MTMR12: variants seen among roughly 807,000 people sequenced by gnomAD.
MTMR12 encodes the protein myotubularin-related protein 12.
MTMR12 carries 33 observed loss-of-function variants against 96.7 expected under a neutral mutation model. The ratio of observed to expected loss-of-function variants is 0.34; its 90% CI spans 0.26 to 0.46. The LOEUF is 0.46. Among genes scored for constraint, MTMR12 ranks in the 20% least tolerant of loss-of-function variants. MTMR12 has a pLI of 1.00. For missense variants in MTMR12, 721 were observed against 896.1 expected (o/e 0.80, Z 2.49); for synonymous variants, 298 against 327.2 (o/e 0.91, Z 0.96).
intron 6 of MTMR12, 79 bp from the exon 7 acceptor site, chr5:32,263,321 A>T: frequency 6.4e-7 from 1 of 1,568,106 alleles, no homozygotes; most frequent in East Asian, 2.3e-5. Context: ...GTCCCTCCTT[A>T]GGTTTTGGTT....
At chr5:32,299,599 C>A (rs1469240252) in intron 1 of MTMR12, among the ~76,000 whole-genome samples, 1 of 152,152 alleles carries the variant, frequency 6.6e-6, no homozygotes, top group Non-Finnish European at 1.5e-5. Context: ...AGGCTTGGAG[C>A]AGGAAGAAGG....
intron 1 of MTMR12, among the ~76,000 whole-genome samples, chr5:32,283,751 C>G (rs554625888): frequency 6.6e-6 from 1 of 152,276 alleles, no homozygotes; most frequent in East Asian, 1.9e-4. Flanking sequence ...CCAAGGGAAG[C>G]TAAAGGGAAA....
chr5:32,255,216 A>G (rs1749089911), intron 8 of MTMR12, among the ~76,000 whole-genome samples: 1 of 152,204 alleles, frequency 6.6e-6, no homozygotes, highest in South Asian at 2.1e-4. Context: ...AGTAACTGCC[A>G]GAGTCTTGCT....
intron 1 of MTMR12, among the ~76,000 whole-genome samples, chr5:32,282,995 G>A (rs1360473340): frequency 1.3e-5 from 2 of 152,180 alleles, no homozygotes; most frequent in Non-Finnish European, 1.5e-5. Context: ...GAGCAGAGGT[G>A]GATACCAACA....
chr5:32,274,945 G>C (rs1205936151), intron 2 of MTMR12, among the ~76,000 whole-genome samples: 1 of 152,012 alleles, frequency 6.6e-6, no homozygotes, highest in African/African-American at 2.4e-5. Context: ...GCAGGCAAAA[G>C]AGAAGACTAT....
chr5:32,274,028 G>T lies in MTMR12; in HGVS notation c.237C>A (p.Asp79Glu). 1 of 1,614,190 alleles carries T rather than the reference G, an allele frequency of 6.2e-7. No individual in the cohort carries two copies. The highest frequency in any genetic ancestry group is 1.1e-5 in the South Asian group (1 of 91,078). Residue 79 changes from aspartate (D) to glutamate (E), a missense_variant, in exon 3 of 16, where the codon GAC becomes GAA. Asp to Glu is a conservative substitution (Grantham distance 45). Coordinates refer to ENST00000382142, the MANE Select transcript of MTMR12 (RefSeq NM_001040446.3). ...CATCACCCAAGAAGGCAATCTTGAA[G>T]TCTGTGCAGACAAGCCTCCCATAGA... ...HGVYGRLVCT[D>E]FKIAFLGDDE...
rs1164053326 is a variant in MTMR12 at position 32,271,907 on chromosome 5, T to C, written c.286-2A>G. 6.5e-7 allele frequency: 1 copy of C among 1,530,552 alleles called. No homozygotes were observed. The highest frequency in any genetic ancestry group is 8.9e-7 in the Non-Finnish European group (1 of 1,119,246). The allele number at this position is 1,530,552 out of a possible 1,614,324, so 94.8% of individuals were successfully genotyped here. A position where few individuals can be genotyped will look rare whatever the true frequency, so the allele number is the denominator to read the frequency against. ...AACCTTATTCTTAAATTGAGTTTCC[T>C]AGAAGATTCAAAAGGAAACAACTGT... On this transcript the variant is annotated splice_acceptor_variant, in intron 3 of 15. Transcript: ENST00000382142. LOFTEE classifies it high-confidence loss of function.
intron 5 of MTMR12, among the ~76,000 whole-genome samples, chr5:32,270,182 G>A (rs916596198): frequency 3.9e-5 from 6 of 151,906 alleles, no homozygotes; most frequent in African/African-American, 1.5e-4. Flanking sequence ...TTCAGCCGGG[G>A]TGACAGAGTG....
chr5:32,291,760 G>A (rs1157389757), intron 1 of MTMR12, among the ~76,000 whole-genome samples: 1 of 152,158 alleles, frequency 6.6e-6, no homozygotes, highest in African/African-American at 2.4e-5. Flanking sequence ...GGCCACTGTT[G>A]AGTGCCCAGT....
At chr5:32,308,329 AAAAG>A (rs1751435980) in intron 1 of MTMR12, among the ~76,000 whole-genome samples, 1 of 152,094 alleles carries the variant, frequency 6.6e-6, no homozygotes, top group African/African-American at 2.4e-5. Flanking sequence ...CTCAAAAAAA[AAAAG>A]AAAGAAGCAA....
Position 32,274,013 on chromosome 5 carries a change from G to A in MTMR12, c.252C>T (p.Phe84=), listed in dbSNP as rs1749948379. 6 of 1,614,190 alleles carry A rather than the reference G, an allele frequency of 3.7e-6. No individual in the cohort carries two copies. Among genetic ancestry groups the A allele is most frequent in the Non-Finnish European group, 4.2e-6 (5 of 1,180,032 alleles). Residue 84 remains phenylalanine, a synonymous_variant, in exon 3 of 16, where the codon TTC becomes TTT. Coordinates refer to ENST00000382142, the MANE Select transcript of MTMR12 (RefSeq NM_001040446.3). ...CCAATGCAGATTCATCATCACCCAA[G>A]AAGGCAATCTTGAAGTCTGTGCAGA... ...RLVCTDFKIA[F]LGDDESALDN...
chr5:32,286,576 T>C (rs1179469004), intron 1 of MTMR12, among the ~76,000 whole-genome samples: 4 of 151,870 alleles, frequency 2.6e-5, no homozygotes, highest in Non-Finnish European at 5.9e-5. Flanking sequence ...AAAAAATAAC[T>C]AGAATACTAA....
Position 32,229,871 on chromosome 5 carries a change from C to CCT in MTMR12, c.2150_2151insAG (p.Pro718GlyfsTer28). The CCT allele has an allele frequency of 6.2e-7, 1 of 1,611,422 alleles. No homozygotes were observed. Among genetic ancestry groups the CCT allele is most frequent in the Non-Finnish European group, 8.5e-7 (1 of 1,178,626 alleles). On this transcript the variant is annotated frameshift_variant, in exon 16 of 16. Coordinates refer to ENST00000382142, the MANE Select transcript of MTMR12 (RefSeq NM_001040446.3). LOFTEE classifies it high-confidence loss of function. Reference sequence around the variant, plus strand: ...TCCAGCCACTGGTGGGTAAGACGGGCTTAGAGGAATGTCGCTGGAGCAGAG... The same window carrying CCT: ...TCCAGCCACTGGTGGGTAAGACGGGCCTTTAGAGGAATGTCGCTGGAGCAGAG...
At position 32,229,934 on chromosome 5, in the gene MTMR12, C is replaced by G; in HGVS notation, c.2088G>C (p.Leu696=). 1 of 1,612,572 alleles carries G rather than the reference C, an allele frequency of 6.2e-7. No individual in the cohort carries two copies. Among genetic ancestry groups the G allele is most frequent in the Non-Finnish European group, 8.5e-7 (1 of 1,179,036 alleles). The part of the protein sequence containing the change: ...QAPQAEAPCL[L]RNSARLSSLF... ...AAGACGAGAGGCGGGCAGAGTTCCT[C>G]AGCAGGCAGGGGGCCTCAGCCTGGG... Residue 696 remains leucine (L), a synonymous_variant, in exon 16 of 16, where the codon CTG becomes CTC. Transcript: ENST00000382142.
intron 6 of MTMR12, among the ~76,000 whole-genome samples, chr5:32,264,518 C>G (rs951104520): frequency 6.6e-6 from 1 of 150,918 alleles, no homozygotes; most frequent in African/African-American, 2.4e-5. Flanking sequence ...TGGAGTGCAG[C>G]GGCGTGATCT....
rs1554053329 is a variant in MTMR12 at position 32,228,516 on chromosome 5, A to AAAATATATCATATATATGTGATAT, written c.*1261_*1262insATATCACATATATATGATATATTT. The AAAATATATCATATATATGTGATAT allele has an allele frequency of 8.5e-3, 915 of 108,132 alleles. 33 individuals are homozygous for AAAATATATCATATATATGTGATAT. Among genetic ancestry groups the AAAATATATCATATATATGTGATAT allele is most frequent in the African/African-American group, 0.027 (838 of 31,538 alleles). 6.7% of individuals were successfully genotyped at this position (108,132 alleles called of 1,614,324 possible). On this transcript the variant is annotated 3_prime_UTR_variant, in exon 16 of 16. Transcript: ENST00000382142. Reference sequence around the variant, plus strand: ...AAGTATACTTTCCTGCATTAAAAAAAATATATATCATATATATGATATATA... The same window carrying AAAATATATCATATATATGTGATAT: ...AAGTATACTTTCCTGCATTAAAAAAAAAATATATCATATATATGTGATATATATATATCATATATATGATATATA...
chr5:32,287,432 C>T (rs541675399), intron 1 of MTMR12, among the ~76,000 whole-genome samples: 1 of 152,342 alleles, frequency 6.6e-6, no homozygotes, highest in East Asian at 1.9e-4. Flanking sequence ...CCAAGTTCTT[C>T]AGTTTTGAGA....
intron 6 of MTMR12, among the ~76,000 whole-genome samples, chr5:32,266,953 A>C (rs1749623166): frequency 6.9e-6 from 1 of 145,154 alleles, no homozygotes; most frequent in African/African-American, 2.6e-5. Context: ...GGTGGCGCAC[A>C]CCTGTAATCC....
chr5:32,303,440 C>T (rs1056124645), intron 1 of MTMR12, among the ~76,000 whole-genome samples: 1 of 152,160 alleles, frequency 6.6e-6, no homozygotes, highest in Non-Finnish European at 1.5e-5. Context: ...CTATTTCCAC[C>T]TCCCCTATTC....
Sources: allele counts gnomAD v4.1 joint callset (sites outside exome capture counted in the v4.1 genomes callset), GRCh38; gene constraint gnomAD v4.1.1; transcripts MANE v1.5; gene names NCBI Gene and HGNC (gene_info 2026-07-23, HGNC 2026-07-21).